SYNDIG1: variants seen among roughly 807,000 people sequenced by gnomAD.
The protein encoded by SYNDIG1 is synapse differentiation inducing 1.
A neutral mutation model predicts 19.4 loss-of-function variants in SYNDIG1; 9 were observed. The observed-to-expected ratio is 0.46, with a 90% CI of 0.28 to 0.81. The LOEUF is 0.81. Ranked by LOEUF, SYNDIG1 falls within the 30% of genes least tolerant of loss-of-function variation. The pLI is 0.12. For missense variants in SYNDIG1, 311 were observed against 343.3 expected (o/e 0.91, Z 0.74); for synonymous variants, 141 against 145.9 (o/e 0.97, Z 0.24).
intron 2 of SYNDIG1, among the ~76,000 whole-genome samples, chr20:24,559,197 G>A (rs551236500): frequency 8.5e-5 from 13 of 152,302 alleles, no homozygotes; most frequent in African/African-American, 3.1e-4. Context: ...GCAGCAACAT[G>A]GATGGAACTG....
At chr20:24,520,477 CA>C (rs1247404842) in intron 1 of SYNDIG1, among the ~76,000 whole-genome samples, 8 of 152,050 alleles carry the variant, frequency 5.3e-5, no homozygotes, top group Non-Finnish European at 1.0e-4. Context: ...AGGCGGATCA[CA>C]ACCTCAAGAG....
intron 1 of SYNDIG1, among the ~76,000 whole-genome samples, chr20:24,487,928 G>A (rs1355361777): frequency 1.3e-5 from 2 of 152,198 alleles, no homozygotes; most frequent in East Asian, 1.9e-4. Context: ...CAAACATGTC[G>A]GTGAGGCTGT....
chr20:24,539,997 GTT>G, intron 1 of SYNDIG1, among the ~76,000 whole-genome samples: 1 of 152,014 alleles, frequency 6.6e-6, no homozygotes, highest in South Asian at 2.1e-4. Context: ...GGCCAGGCTG[GTT>G]TCGAACTCCT....
At chr20:24,529,970 G>GAAA (rs2057214638) in intron 1 of SYNDIG1, among the ~76,000 whole-genome samples, 6 of 926 alleles carry the variant, frequency 6.5e-3, no homozygotes, top group African/African-American at 0.024. Flanking sequence ...TGGGAATAAT[G>GAAA]ATGGTGATGG....
intron 3 of SYNDIG1, among the ~76,000 whole-genome samples, chr20:24,603,776 T>C (rs1038992830): frequency 1.3e-5 from 2 of 152,188 alleles, no homozygotes; most frequent in African/African-American, 4.8e-5. Flanking sequence ...AGAATTTTCT[T>C]CACAAGGAAA....
intron 1 of SYNDIG1, among the ~76,000 whole-genome samples, chr20:24,523,719 G>A (rs2057056178): frequency 6.6e-6 from 1 of 152,204 alleles, no homozygotes; most frequent in Admixed American, 6.5e-5. Context: ...TTCTGGCTGT[G>A]TGTGTTTTTC....
At chr20:24,660,697 C>T (rs1045758054) in intron 3 of SYNDIG1, among the ~76,000 whole-genome samples, 2 of 152,234 alleles carry the variant, frequency 1.3e-5, no homozygotes, top group Non-Finnish European at 2.9e-5. Context: ...TCTTCTCAGG[C>T]CCACGCTCAC....
intron 3 of SYNDIG1, among the ~76,000 whole-genome samples, chr20:24,630,393 G>T (rs1412762155): frequency 6.6e-6 from 1 of 152,178 alleles, no homozygotes; most frequent in African/African-American, 2.4e-5. Context: ...ACATAAACAT[G>T]TATTTCCCTC....
chr20:24,479,847 T>C (rs539607014), intron 1 of SYNDIG1, among the ~76,000 whole-genome samples: 1 of 152,132 alleles, frequency 6.6e-6, no homozygotes, highest in Non-Finnish European at 1.5e-5. Flanking sequence ...TTGGGAAAGA[T>C]ACAAGGCAAG....
intron 1 of SYNDIG1, among the ~76,000 whole-genome samples, chr20:24,478,284 A>G (rs559048018): frequency 6.6e-6 from 1 of 152,350 alleles, no homozygotes; most frequent in South Asian, 2.1e-4. Flanking sequence ...CCAGAGTGGC[A>G]GCGCCAGGCA....
intron 3 of SYNDIG1, among the ~76,000 whole-genome samples, chr20:24,617,642 G>T (rs2058959119): frequency 6.6e-6 from 1 of 152,002 alleles, no homozygotes; most frequent in South Asian, 2.1e-4. Context: ...GGTGCATTTT[G>T]TCCTCTGAGA....
chr20:24,557,470 C>A (rs1489218778), intron 2 of SYNDIG1, among the ~76,000 whole-genome samples: 1 of 152,084 alleles, frequency 6.6e-6, no homozygotes. Context: ...TGGTGATGTA[C>A]AGATGGGTTT....
At position 24,500,288 on chromosome 20, in the gene SYNDIG1, T is replaced by C. The variant is rs1307859524; in HGVS notation, c.-79+30535T>C. On this transcript the variant is annotated intron_variant, in intron 1 of 3. Transcript: ENST00000376862. ...GAATAAATATAATTCACAGAAATCG[T>C]TGATAGAAAATGGCAGAAAAAATAG... 2.0e-5 allele frequency among the ~76,000 whole-genome samples: 3 copies of C among 152,182 alleles called. No homozygotes were observed. In the East Asian group the frequency reaches 5.8e-4, roughly 29 times the overall value.
rs539406205 is a variant in SYNDIG1 at position 24,549,824 on chromosome 20, G to A, written c.480+6247G>A. Among the ~76,000 whole-genome samples the A allele has an allele frequency of 7.9e-5, 12 of 152,238 alleles. No homozygotes were observed. The South Asian group carries it at 1.5e-3, about 18-fold the overall frequency. On this transcript the variant is annotated intron_variant, in intron 2 of 3. Coordinates refer to ENST00000376862, the MANE Select transcript of SYNDIG1 (RefSeq NM_024893.3). ...TTTTCAGTGGGATGGATGTGGAGCCGGGAAGGATACTGGAGTGGGAAGGTG... is the reference window on the plus strand; with the variant it reads ...TTTTCAGTGGGATGGATGTGGAGCCAGGAAGGATACTGGAGTGGGAAGGTG...
At chr20:24,532,540 TGAATATACTAAA>T (rs1180422687) in intron 1 of SYNDIG1, among the ~76,000 whole-genome samples, 5 of 152,308 alleles carry the variant, frequency 3.3e-5, no homozygotes. Flanking sequence ...CACAACTTGG[TGAATATACTAAA>T]TCTCACTCAA....
At position 24,478,679 on chromosome 20, in the gene SYNDIG1, A is replaced by G. The variant is rs535887617; in HGVS notation, c.-79+8926A>G. On this transcript the variant is annotated intron_variant, in intron 1 of 3. Transcript: ENST00000376862. ...AGGTAGAACACAATGTGATGAGGAC[A>G]TTTCTCCATCTGTGCTTTTCAGTGG... 9.2e-5 allele frequency among the ~76,000 whole-genome samples: 14 copies of G among 152,304 alleles called. No individual in the cohort carries two copies. In the South Asian group the frequency reaches 2.5e-3, roughly 27 times the overall value.
chr20:24,662,886 T>C (rs1265419102), intron 3 of SYNDIG1, among the ~76,000 whole-genome samples: 2 of 152,248 alleles, frequency 1.3e-5, no homozygotes, highest in Non-Finnish European at 2.9e-5. Context: ...TCAGAGACTC[T>C]TGGACTCAAG....
chr20:24,476,005 C>T (rs377490448), intron 1 of SYNDIG1, among the ~76,000 whole-genome samples: 6 of 151,990 alleles, frequency 3.9e-5, no homozygotes, highest in African/African-American at 1.5e-4. Flanking sequence ...GGACTACAGG[C>T]GCACTCCACC....
intron 3 of SYNDIG1, among the ~76,000 whole-genome samples, chr20:24,605,041 G>A (rs6114798): frequency 6.6e-6 from 1 of 152,158 alleles, no homozygotes; most frequent in African/African-American, 2.4e-5. Context: ...GGGCATCCAA[G>A]GTCATGGGCA....
Sources: allele counts gnomAD v4.1 joint callset (sites outside exome capture counted in the v4.1 genomes callset), GRCh38; gene constraint gnomAD v4.1.1; transcripts MANE v1.5; gene names NCBI Gene and HGNC (gene_info 2026-07-23, HGNC 2026-07-21).